The following PTPRD variants were observed in gnomAD, a reference collection of about 807,000 sequenced individuals.
PTPRD encodes the protein receptor-type tyrosine-protein phosphatase delta.
A neutral mutation model predicts 214.5 loss-of-function variants in PTPRD; 34 were observed. That is an observed-to-expected ratio of 0.16 (90% CI 0.12 to 0.21). The LOEUF is 0.21. Among genes scored for constraint, PTPRD ranks in the 10% least tolerant of loss-of-function variants. The pLI is 1.00. For missense variants in PTPRD, 2,545 were observed against 2,398.7 expected (o/e 1.06, Z -1.27); for synonymous variants, 1,128 against 845.7 (o/e 1.33, Z -5.79).
At chr9:9,575,717 C>CAAAAAAAAAAAAAAAAAAAAAAAAAA (rs757614546) in intron 7 of PTPRD, among the ~76,000 whole-genome samples, 10 of 33,308 alleles carry the variant, frequency 3.0e-4, no homozygotes, top group South Asian at 2.9e-3. Context: ...AAGACTGTCT[C>CAAAAAAAAAAAAAAAAAAAAAAAAAA]AAAAAAAAAA....
At chr9:10,598,114 G>T (rs1289351309) in intron 2 of PTPRD, among the ~76,000 whole-genome samples, 1 of 151,494 alleles carries the variant, frequency 6.6e-6, no homozygotes, top group Non-Finnish European at 1.5e-5. Flanking sequence ...ACAGATTGAG[G>T]TCCAGTTTTC....
At chr9:9,356,497 T>C (rs934755434) in intron 9 of PTPRD, among the ~76,000 whole-genome samples, 5 of 151,594 alleles carry the variant, frequency 3.3e-5, no homozygotes, top group South Asian at 2.1e-4. Flanking sequence ...TTATGAATCA[T>C]ATGAGTGTTT....
At chr9:9,728,936 T>G (rs73392815) in intron 7 of PTPRD, among the ~76,000 whole-genome samples, 4 of 152,182 alleles carry the variant, frequency 2.6e-5, no homozygotes, top group African/African-American at 9.6e-5. Context: ...TCCCAAGTCT[T>G]CTATTTTGGA....
intron 11 of PTPRD, among the ~76,000 whole-genome samples, chr9:8,891,371 A>T (rs1209143039): frequency 6.6e-6 from 1 of 151,488 alleles, no homozygotes; most frequent in Non-Finnish European, 1.5e-5. Context: ...TGACCTCGTG[A>T]TCCGCCCGCC....
At chr9:9,254,299 T>C (rs1413600752) in intron 9 of PTPRD, among the ~76,000 whole-genome samples, 1 of 152,084 alleles carries the variant, frequency 6.6e-6, no homozygotes, top group East Asian at 1.9e-4. Flanking sequence ...ATATATTTTC[T>C]ATTTCCTTCT....
At chr9:9,248,095 TA>T (rs916984902) in intron 9 of PTPRD, among the ~76,000 whole-genome samples, 29 of 151,862 alleles carry the variant, frequency 1.9e-4, no homozygotes, top group African/African-American at 6.8e-4. Context: ...TATCTATTAT[TA>T]TTTTTTTTTA....
Position 8,713,652 on chromosome 9 carries a change from C to G in PTPRD, c.64+20128G>C, listed in dbSNP as rs1458107674. ...TCACCCAGTGCTACCGAGACATGGG[C>G]GCCCGGCACCGCGCCCGGGCCCACT... is the stretch of plus-strand genomic sequence containing the variant. On this transcript the variant is annotated intron_variant, in intron 12 of 45. Coordinates refer to ENST00000381196, the MANE Select transcript of PTPRD (RefSeq NM_002839.4). The G allele has an allele frequency of 2.7e-6, 4 of 1,508,124 alleles. No homozygotes were observed. The African/African-American group carries it at 4.1e-5, about 16-fold the overall frequency. The allele number at this position is 1,508,124 out of a possible 1,614,324, so 93.4% of individuals were successfully genotyped here.
At chr9:8,365,621 A>AGAATAAATGAG (rs2079635174) in intron 39 of PTPRD, among the ~76,000 whole-genome samples, 2 of 152,176 alleles carry the variant, frequency 1.3e-5, no homozygotes, top group African/African-American at 4.8e-5. Flanking sequence ...ACTCAGAGGT[A>AGAATAAATGAG]GAATAAATGA....
At chr9:9,555,205 A>G (rs1321975557) in intron 8 of PTPRD, among the ~76,000 whole-genome samples, 1 of 152,058 alleles carries the variant, frequency 6.6e-6, no homozygotes, top group African/African-American at 2.4e-5. Flanking sequence ...GACGTATGAT[A>G]TTATTTCTTA....
intron 4 of PTPRD, among the ~76,000 whole-genome samples, chr9:10,016,327 T>C (rs1165794148): frequency 6.6e-6 from 1 of 151,702 alleles, no homozygotes; most frequent in Non-Finnish European, 1.5e-5. Context: ...CATCCGTGTG[T>C]CCAGGGAAAT....
At chr9:10,293,692 A>G (rs2095595309) in intron 3 of PTPRD, among the ~76,000 whole-genome samples, 1 of 151,872 alleles carries the variant, frequency 6.6e-6, no homozygotes, top group Non-Finnish European at 1.5e-5. Flanking sequence ...TCCATTTTCC[A>G]AAGTTTGGGA....
chr9:9,008,084 GA>G (rs2099489019), intron 11 of PTPRD, among the ~76,000 whole-genome samples: 2 of 146,824 alleles, frequency 1.4e-5, no homozygotes. Flanking sequence ...GATAAAGAAA[GA>G]TGACAAGATG....
At chr9:8,759,068 T>C (rs943340196) in intron 11 of PTPRD, among the ~76,000 whole-genome samples, 12 of 151,694 alleles carry the variant, frequency 7.9e-5, no homozygotes, top group African/African-American at 2.9e-4. Flanking sequence ...TCTCACTCTG[T>C]CACCCAGGCT....
rs147998552 is a variant in PTPRD at position 9,907,201 on chromosome 9, G to C, written c.-368+31306C>G. Among the ~76,000 whole-genome samples, 726 of 151,714 alleles carry C rather than the reference G, an allele frequency of 4.8e-3. 12 individuals are homozygous for C. The highest frequency in any genetic ancestry group is 0.017 in the African/African-American group (688 of 41,394). On this transcript the variant is annotated intron_variant, in intron 5 of 45. Coordinates refer to ENST00000381196, the MANE Select transcript of PTPRD (RefSeq NM_002839.4). ...GCGGTGGCAAACACAGTCTAATTAGGTCATGTGCAATTGTCATATACATGA... is the reference window on the plus strand; with the variant it reads ...GCGGTGGCAAACACAGTCTAATTAGCTCATGTGCAATTGTCATATACATGA...
chr9:8,595,942 T>G (rs1037908648), intron 14 of PTPRD, among the ~76,000 whole-genome samples: 6 of 152,198 alleles, frequency 3.9e-5, no homozygotes, highest in Non-Finnish European at 8.8e-5. Flanking sequence ...ATGTTGTGCC[T>G]ATGCCATTGT....
rs138706563 is a variant in PTPRD at position 9,884,961 on chromosome 9, T to C, written c.-368+53546A>G. 3.9e-5 allele frequency among the ~76,000 whole-genome samples: 6 copies of C among 152,220 alleles called. No homozygotes were observed. In the East Asian group the frequency reaches 7.7e-4, roughly 20 times the overall value. Reference sequence around the variant, plus strand: ...CTCATGTATGTCTTTATTAGCAGTGTGAGAACGGACTAATACAAGGTGGCT... The same window carrying C: ...CTCATGTATGTCTTTATTAGCAGTGCGAGAACGGACTAATACAAGGTGGCT... On this transcript the variant is annotated intron_variant, in intron 5 of 45. Transcript: ENST00000381196.
At chr9:9,237,743 C>G (rs2099967794) in intron 9 of PTPRD, among the ~76,000 whole-genome samples, 1 of 152,118 alleles carries the variant, frequency 6.6e-6, no homozygotes, top group Non-Finnish European at 1.5e-5. Context: ...TCCTGCATCT[C>G]CTGTGAGAAC....
intron 39 of PTPRD, among the ~76,000 whole-genome samples, chr9:8,372,145 TTG>T (rs1216598829): frequency 6.6e-6 from 1 of 152,068 alleles, no homozygotes; most frequent in African/African-American, 2.4e-5. Flanking sequence ...TCTCATGGGA[TTG>T]CCATAGTAGA....
At chr9:10,414,725 T>A (rs1011681395) in intron 2 of PTPRD, among the ~76,000 whole-genome samples, 7 of 151,892 alleles carry the variant, frequency 4.6e-5, no homozygotes, top group African/African-American at 1.7e-4. Flanking sequence ...AAAGAAAATG[T>A]GGTACACATA....
Sources: allele counts gnomAD v4.1 joint callset (sites outside exome capture counted in the v4.1 genomes callset), GRCh38; gene constraint gnomAD v4.1.1; transcripts MANE v1.5; gene names NCBI Gene and HGNC (gene_info 2026-07-23, HGNC 2026-07-21).